FER1L6: variants seen among roughly 807,000 people sequenced by gnomAD.
The protein encoded by FER1L6 is fer-1 like family member 6.
Under a neutral mutation model 219.2 loss-of-function variants are expected in FER1L6, and 177 were observed. The observed-to-expected ratio is 0.81, with a 90% CI of 0.71 to 0.91. The LOEUF is 0.91. FER1L6 is among the 40% of genes least tolerant of loss of function. The pLI is 0.00. For synonymous variants in FER1L6, 768 were observed against 824.3 expected (o/e 0.93, Z 1.17); for missense variants, 2,153 against 2,259.9 (o/e 0.95, Z 0.96).
chr8:123,976,536 G>T (rs1816081216), intron 9 of FER1L6, among the ~76,000 whole-genome samples: 1 of 152,000 alleles, frequency 6.6e-6, no homozygotes, highest in South Asian at 2.1e-4. Flanking sequence ...AAAGGCAACG[G>T]GATGTGGCAG....
chr8:123,944,523 C>G (rs1257524510), intron 1 of FER1L6, among the ~76,000 whole-genome samples: 1 of 151,634 alleles, frequency 6.6e-6, no homozygotes, highest in Non-Finnish European at 1.5e-5. Context: ...AGAATAGTAA[C>G]TATTTTCTTT....
intron 1 of FER1L6, among the ~76,000 whole-genome samples, chr8:123,863,081 A>G: frequency 7.5e-6 from 1 of 132,960 alleles, no homozygotes; most frequent in East Asian, 2.0e-4. Flanking sequence ...CAGGGTGTCA[A>G]TTTTGGATCT....
chr8:124,023,627 G>C, intron 18 of FER1L6, 31 bp downstream of exon 18: 1 of 1,608,718 alleles, frequency 6.2e-7, no homozygotes, highest in South Asian at 1.1e-5. Flanking sequence ...CTAAAAGAAG[G>C]GAGATTTCTG....
intron 1 of FER1L6, among the ~76,000 whole-genome samples, chr8:123,926,542 C>A (rs574950822): frequency 1.3e-5 from 2 of 152,228 alleles, no homozygotes; most frequent in East Asian, 3.9e-4. Flanking sequence ...CCTTGTCTAA[C>A]ATTAGGCCAA....
chr8:123,922,887 A>G (rs932321455), intron 1 of FER1L6, among the ~76,000 whole-genome samples: 1 of 152,160 alleles, frequency 6.6e-6, no homozygotes, highest in African/African-American at 2.4e-5. Flanking sequence ...CAAAGTGTGT[A>G]ATCCAAAGCC....
chr8:123,980,776 G>A lies in FER1L6; in HGVS notation c.1375G>A (p.Glu459Lys), dbSNP rs1160334898. ...QQASNKTNST[E>K]VEVESFDVPP... ...GGCTTCAAACAAAACTAACTCAACC[G>A]AGGTGGAGGTGGAATCGTTCGATGT... is the stretch of plus-strand genomic sequence containing the variant. The change falls in exon 11 of 41, where the codon GAG (glutamate) becomes AAG (lysine). Residue 459 changes from glutamate (E) to lysine (K), a missense_variant. By Grantham distance (56) the Glu-to-Lys change is moderately conservative (BLOSUM62 1). Coordinates refer to ENST00000522917, the MANE Select transcript of FER1L6 (RefSeq NM_001039112.2). 3.7e-6 allele frequency: 6 copies of A among 1,614,038 alleles called. No individual in the cohort carries two copies. The South Asian group carries it at 6.6e-5, about 18-fold the overall frequency.
chr8:124,115,526 T>C (rs73332239), intron 39 of FER1L6, among the ~76,000 whole-genome samples: 5,188 of 152,222 alleles, frequency 0.034, 282 homozygotes, highest in African/African-American at 0.11. Flanking sequence ...CTCTGCCTCC[T>C]TTTTCTTTGC....
intron 1 of FER1L6, among the ~76,000 whole-genome samples, chr8:123,923,941 G>GAA (rs60137127): frequency 1.3e-4 from 12 of 94,778 alleles, no homozygotes; most frequent in Admixed American, 3.7e-4. Context: ...CTCCAACTAA[G>GAA]AAAAAAAAAA....
intron 1 of FER1L6, among the ~76,000 whole-genome samples, chr8:123,907,412 TAGTC>T (rs1812974067): frequency 6.6e-6 from 1 of 152,086 alleles, no homozygotes; most frequent in African/African-American, 2.4e-5. Context: ...TCCTTATTGA[TAGTC>T]AGTAACTCAC....
chr8:124,088,637 T>C (rs769398763), intron 33 of FER1L6, among the ~76,000 whole-genome samples: 1 of 151,988 alleles, frequency 6.6e-6, no homozygotes, highest in African/African-American at 2.4e-5. Context: ...TGCTCTGAGT[T>C]TAACCCAAGG....
intron 13 of FER1L6, among the ~76,000 whole-genome samples, chr8:124,004,608 C>T (rs1817574641): frequency 6.6e-6 from 1 of 152,026 alleles, no homozygotes; most frequent in South Asian, 2.1e-4. Context: ...AGATTACTCA[C>T]CAGGCTCATT....
chr8:123,957,912 A>G (rs1317741033), intron 2 of FER1L6, among the ~76,000 whole-genome samples: 1 of 152,218 alleles, frequency 6.6e-6, no homozygotes, highest in Non-Finnish European at 1.5e-5. Context: ...AAGCCCACAG[A>G]ACAGAGACTT....
Position 124,075,719 on chromosome 8 carries a change from A to G in FER1L6, c.4093-479A>G, listed in dbSNP as rs138025032. 3.5e-3 allele frequency among the ~76,000 whole-genome samples: 529 copies of G among 152,298 alleles called. 4 individuals carry two copies. The highest frequency in any genetic ancestry group is 5.9e-3 in the Admixed American group (91 of 15,296). On this transcript the variant is annotated intron_variant, in intron 31 of 40. Coordinates refer to ENST00000522917, the MANE Select transcript of FER1L6 (RefSeq NM_001039112.2). ...CATGCGAGTAATGTGTTGCACTACA[A>G]TGCTGCAACAGATATGTCACTAGAT... is the stretch of plus-strand genomic sequence containing the variant.
At chr8:124,043,247 G>T (rs1206355695) in intron 20 of FER1L6, among the ~76,000 whole-genome samples, 2 of 152,162 alleles carry the variant, frequency 1.3e-5, no homozygotes, top group East Asian at 3.9e-4. Flanking sequence ...TCATAACTCC[G>T]CAGGGTAGGT....
At chr8:123,995,463 A>G (rs894313973) in intron 12 of FER1L6, among the ~76,000 whole-genome samples, 2 of 152,160 alleles carry the variant, frequency 1.3e-5, no homozygotes, top group Non-Finnish European at 2.9e-5. Context: ...ATTGGCACAT[A>G]GTTGTTCATA....
At chr8:123,944,708 T>G (rs1479072249) in intron 1 of FER1L6, among the ~76,000 whole-genome samples, 1 of 152,260 alleles carries the variant, frequency 6.6e-6, no homozygotes, top group East Asian at 1.9e-4. Flanking sequence ...CTATATGAGG[T>G]ACAGGGTAAC....
intron 1 of FER1L6, among the ~76,000 whole-genome samples, chr8:123,930,332 CT>C (rs1813721761): frequency 2.0e-5 from 3 of 147,600 alleles, no homozygotes; most frequent in African/African-American, 7.4e-5. Flanking sequence ...ATAACCACAG[CT>C]TCCTCCCTCC....
At chr8:123,879,241 T>G (rs1817062595) in intron 1 of FER1L6, among the ~76,000 whole-genome samples, 1 of 152,148 alleles carries the variant, frequency 6.6e-6, no homozygotes, top group African/African-American at 2.4e-5. Context: ...GGTTTGAGGC[T>G]TCAGTGAGCT....
In FER1L6 at chr8:123,877,540, A is replaced by G. The variant is rs561441512; in HGVS notation, c.-8+25355A>G. Among the ~76,000 whole-genome samples the G allele has an allele frequency of 1.4e-4, 22 of 152,230 alleles. 1 individual carries two copies. The South Asian group carries it at 4.2e-3, about 29-fold the overall frequency. Reference sequence around the variant, plus strand: ...GGGGACATGGCCAAACACCTTCAGCAGTGGGCATGAGAAGGCTGTCATCCC... The same window carrying G: ...GGGGACATGGCCAAACACCTTCAGCGGTGGGCATGAGAAGGCTGTCATCCC... On this transcript the variant is annotated intron_variant, in intron 1 of 40. Coordinates refer to ENST00000522917, the MANE Select transcript of FER1L6 (RefSeq NM_001039112.2).
Sources: allele counts gnomAD v4.1 joint callset (sites outside exome capture counted in the v4.1 genomes callset), GRCh38; gene constraint gnomAD v4.1.1; transcripts MANE v1.5; gene names NCBI Gene and HGNC (gene_info 2026-07-23, HGNC 2026-07-21).